METTL16: variants seen among roughly 807,000 people sequenced by gnomAD.
The protein encoded by METTL16 is RNA N(6)-adenosine-methyltransferase METTL16.
A neutral mutation model predicts 57.9 loss-of-function variants in METTL16; 19 were observed. That is an observed-to-expected ratio of 0.33 (90% CI 0.23 to 0.48). METTL16 has a LOEUF of 0.48. Ranked by LOEUF, METTL16 falls within the 20% of genes least tolerant of loss-of-function variation. The probability of loss-of-function intolerance (pLI) is 0.99; values close to 1 mark genes in which losing one functional copy is unlikely to be tolerated. For synonymous variants in METTL16, 246 were observed against 255.6 expected, an observed-to-expected ratio of 0.96 and a Z score of 0.36; for missense variants, 434 against 691.5, an observed-to-expected ratio of 0.63 and a Z score of 4.18.
chr17:2,496,608 T>C (rs551093924), intron 2 of METTL16, among the ~76,000 whole-genome samples: 43 of 151,916 alleles, frequency 2.8e-4, no homozygotes, highest in Middle Eastern at 6.8e-3. Flanking sequence ...CTCATTTACC[T>C]ACTTATTTTT....
At position 2,417,625 on chromosome 17, in the gene METTL16, A is replaced by G. The variant is rs762175664; in HGVS notation, c.*2345T>C. 3 of 152,252 alleles carry G rather than the reference A, an allele frequency of 2.0e-5. No individual in the cohort carries two copies. The highest frequency in any genetic ancestry group is 4.4e-5 in the Non-Finnish European group (3 of 68,050). 9.4% of individuals were successfully genotyped at this position (152,252 alleles called of 1,614,324 possible). A position where few individuals can be genotyped will look rare whatever the true frequency, so the allele number is the denominator to read the frequency against. On this transcript the variant is annotated 3_prime_UTR_variant, in exon 10 of 10. Coordinates refer to ENST00000263092, the MANE Select transcript of METTL16 (RefSeq NM_024086.4). ...CATGGACAAATACTTGTAAGATGTTAAATGAACAAAGGACCAGAATACAAA... is the reference window on the plus strand; with the variant it reads ...CATGGACAAATACTTGTAAGATGTTGAATGAACAAAGGACCAGAATACAAA...
Position 2,510,272 on chromosome 17 carries a change from G to A in METTL16, c.-1+1487C>T, listed in dbSNP as rs967400587. On this transcript the variant is annotated intron_variant, in intron 1 of 9. Coordinates refer to ENST00000263092, the MANE Select transcript of METTL16 (RefSeq NM_024086.4). ...GAGTATATGGGGTATTCACCACTTT[G>A]AGTATTTTTTATATCTATGTATTGG... Among the ~76,000 whole-genome samples the A allele has an allele frequency of 5.3e-5, 8 of 152,260 alleles. No individual in the cohort carries two copies. In the East Asian group the frequency reaches 1.5e-3, roughly 29 times the overall value.
chr17:2,466,526 C>A (rs1235895924), intron 5 of METTL16, among the ~76,000 whole-genome samples: 1 of 152,132 alleles, frequency 6.6e-6, no homozygotes. Context: ...AGCCAATGAA[C>A]TTTCTTTGTC....
intron 3 of METTL16, among the ~76,000 whole-genome samples, chr17:2,474,885 A>C (rs2067259257): frequency 6.6e-6 from 1 of 150,830 alleles, no homozygotes; most frequent in South Asian, 2.1e-4. Context: ...GTGCCATTGC[A>C]CTCCAGCCTA....
At chr17:2,469,645 C>T (rs1164890299) in intron 4 of METTL16, among the ~76,000 whole-genome samples, 1 of 152,190 alleles carries the variant, frequency 6.6e-6, no homozygotes, top group Non-Finnish European at 1.5e-5. Context: ...CTGCCTCAGC[C>T]TCCCAAGTAG....
intron 8 of METTL16, among the ~76,000 whole-genome samples, chr17:2,425,921 C>T (rs2066814741): frequency 6.6e-6 from 1 of 150,610 alleles, no homozygotes; most frequent in African/African-American, 2.4e-5. Flanking sequence ...TGAATCTTCA[C>T]TTTAATTTCT....
intron 1 of METTL16, among the ~76,000 whole-genome samples, chr17:2,506,856 G>C (rs1418822219): frequency 6.6e-6 from 1 of 151,560 alleles, no homozygotes; most frequent in Non-Finnish European, 1.5e-5. Context: ...TCTCTGCCCG[G>C]CCGCCCATCA....
intron 1 of METTL16, among the ~76,000 whole-genome samples, chr17:2,507,172 G>A (rs1156781870): frequency 3.4e-5 from 5 of 148,364 alleles, no homozygotes; most frequent in South Asian, 2.1e-4. Context: ...CCCTCTGCCC[G>A]GCCAGCCGCC....
intron 2 of METTL16, among the ~76,000 whole-genome samples, chr17:2,488,869 G>A (rs1280848408): frequency 2.6e-5 from 4 of 152,106 alleles, no homozygotes; most frequent in African/African-American, 7.2e-5. Context: ...TATTATTCGC[G>A]TACTGTACTG....
chr17:2,458,311 G>A (rs1205739960), intron 6 of METTL16, among the ~76,000 whole-genome samples: 1 of 151,958 alleles, frequency 6.6e-6, no homozygotes, highest in Non-Finnish European at 1.5e-5. Context: ...CCTAAGAAAA[G>A]CCTAAAATCA....
intron 8 of METTL16, among the ~76,000 whole-genome samples, chr17:2,430,714 A>C (rs955141028): frequency 6.6e-6 from 1 of 151,984 alleles, no homozygotes; most frequent in Non-Finnish European, 1.5e-5. Flanking sequence ...CACCGCGCCC[A>C]GCCTAGATAT....
At chr17:2,430,238 A>G (rs574580313) in intron 8 of METTL16, among the ~76,000 whole-genome samples, 39 of 150,378 alleles carry the variant, frequency 2.6e-4, no homozygotes, top group African/African-American at 9.0e-4. Flanking sequence ...TCAGCCTCCC[A>G]AGTAGCTGGG....
intron 6 of METTL16, among the ~76,000 whole-genome samples, chr17:2,461,448 C>T (rs935437935): frequency 3.3e-5 from 5 of 152,072 alleles, no homozygotes; most frequent in African/African-American, 1.2e-4. Flanking sequence ...AGCAGCTTTC[C>T]ACCTTTGGGA....
chr17:2,450,468 G>C (rs925647918), intron 6 of METTL16, among the ~76,000 whole-genome samples: 1 of 152,154 alleles, frequency 6.6e-6, no homozygotes, highest in Admixed American at 6.5e-5. Flanking sequence ...CTGCAGAGGG[G>C]AACAGGAAAC....
At position 2,417,087 on chromosome 17, in the gene METTL16, A is replaced by ATTTTTTTTT. The variant is rs1567876454; in HGVS notation, c.*2882_*2883insAAAAAAAAA. On this transcript the variant is annotated 3_prime_UTR_variant, in exon 10 of 10. Coordinates refer to ENST00000263092, the MANE Select transcript of METTL16 (RefSeq NM_024086.4). ...TTTTTTTTTTTTTTTTTTTTTTTTG[A>ATTTTTTTTT]GACAGTCCCACTTTGTCGCCCAGGC... 26 of 11,370 alleles carry ATTTTTTTTT rather than the reference A, an allele frequency of 2.3e-3. 1 individual carries two copies. The highest frequency in any genetic ancestry group is 7.4e-3 in the African/African-American group (25 of 3,394). 0.7% of individuals were successfully genotyped at this position (11,370 alleles called of 1,614,324 possible).
intron 2 of METTL16, among the ~76,000 whole-genome samples, chr17:2,490,524 CTT>C: frequency 6.6e-6 from 1 of 152,242 alleles, no homozygotes; most frequent in East Asian, 1.9e-4. Context: ...AAAGAACTGA[CTT>C]TTTGTATGTA....
At chr17:2,443,165 G>C (rs2066966553) in intron 6 of METTL16, among the ~76,000 whole-genome samples, 2 of 151,776 alleles carry the variant, frequency 1.3e-5, no homozygotes, top group South Asian at 2.1e-4. Flanking sequence ...ATTTTCTTTT[G>C]TATTTTTAGT....
intron 1 of METTL16, among the ~76,000 whole-genome samples, chr17:2,504,831 C>A (rs60497336): frequency 3.9e-5 from 6 of 152,078 alleles, no homozygotes; most frequent in African/African-American, 1.4e-4. Context: ...CTCAGCCTCC[C>A]AAAGTGCTAC....
At chr17:2,465,004 G>C (rs1276569967) in intron 5 of METTL16, among the ~76,000 whole-genome samples, 2 of 152,146 alleles carry the variant, frequency 1.3e-5, no homozygotes, top group African/African-American at 2.4e-5. Flanking sequence ...CACAGGAAGG[G>C]AATGTTTGCA....
Sources: allele counts gnomAD v4.1 joint callset (sites outside exome capture counted in the v4.1 genomes callset), GRCh38; gene constraint gnomAD v4.1.1; transcripts MANE v1.5; gene names NCBI Gene and HGNC (gene_info 2026-07-23, HGNC 2026-07-21).